ZZEF1: variants seen among roughly 807,000 people sequenced by gnomAD.
ZZEF1 encodes zinc finger ZZ-type and EF-hand domain-containing protein 1.
ZZEF1 carries 157 observed loss-of-function variants against 342.8 expected under a neutral mutation model. The observed-to-expected ratio is 0.46, with a 90% CI of 0.40 to 0.52. ZZEF1 has a LOEUF of 0.52. ZZEF1 is among the 20% of genes least tolerant of loss of function. The pLI is 0.00. For synonymous variants in ZZEF1, 1,505 were observed against 1,429.1 expected (o/e 1.05, Z -1.20); for missense variants, 3,480 against 3,725.6 (o/e 0.93, Z 1.72).
intron 1 of ZZEF1, among the ~76,000 whole-genome samples, chr17:4,134,582 C>T (rs2058719077): frequency 6.6e-6 from 1 of 151,976 alleles, no homozygotes; most frequent in South Asian, 2.1e-4. Context: ...GAGCACCAGG[C>T]AGAGTTCTAA....
chr17:4,082,401 G>C (rs2057740716), intron 17 of ZZEF1, 36 bp downstream of exon 17: 2 of 1,605,292 alleles, frequency 1.2e-6, no homozygotes, highest in South Asian at 1.1e-5. Flanking sequence ...GCAAAGATTT[G>C]AGTTATCCGA....
At chr17:4,129,395 G>A (rs1243405126) in intron 1 of ZZEF1, among the ~76,000 whole-genome samples, 1 of 152,196 alleles carries the variant, frequency 6.6e-6, no homozygotes, top group African/African-American at 2.4e-5. Context: ...CCCAGAGGAA[G>A]AAATATCATT....
At chr17:4,053,950 G>A in intron 34 of ZZEF1, 107 bp downstream of exon 34, 1 of 1,259,882 alleles carries the variant, frequency 7.9e-7, no homozygotes, top group Non-Finnish European at 1.1e-6. Flanking sequence ...AATACCACTG[G>A]GCAGTACTTT....
In ZZEF1 at chr17:4,009,251, C is replaced by A. The variant is rs1475478136; in HGVS notation, c.8734-297G>T. ...GCTAAAGAACTCTGAAAGGCCCTTT[C>A]AGCTCCCACATTCAATCAGTCTATT... is the stretch of plus-strand genomic sequence containing the variant. On this transcript the variant is annotated intron_variant, in intron 53 of 54. Coordinates refer to ENST00000381638, the MANE Select transcript of ZZEF1 (RefSeq NM_015113.4). 7.1e-6 allele frequency: 4 copies of A among 559,886 alleles called. No individual in the cohort carries two copies. In the African/African-American group the frequency reaches 7.5e-5, roughly 11 times the overall value. 34.7% of individuals were successfully genotyped at this position (559,886 alleles called of 1,614,324 possible).
chr17:4,123,573 A>G (rs910302410), intron 2 of ZZEF1, among the ~76,000 whole-genome samples: 7 of 152,184 alleles, frequency 4.6e-5, no homozygotes, highest in Non-Finnish European at 1.0e-4. Context: ...TAATGAATTG[A>G]TCAATTACAA....
Position 4,051,955 on chromosome 17 carries a change from G to A in ZZEF1, c.5600+16C>T. 5 of 1,601,932 alleles carry A rather than the reference G, an allele frequency of 3.1e-6. No individual in the cohort carries two copies. The highest frequency in any genetic ancestry group is 4.3e-6 in the Non-Finnish European group (5 of 1,171,504). On this transcript the variant is annotated intron_variant, in intron 35 of 54. Transcript: ENST00000381638. ...GTAAATAAAAGGCTTGGTGGCGACG[G>A]TCACTTGAGACATACCCGTAGGAGT... is the stretch of plus-strand genomic sequence containing the variant.
Position 4,017,548 on chromosome 17 carries a change from G to C in ZZEF1, c.7824C>G (p.Phe2608Leu). The C allele has an allele frequency of 6.2e-7, 1 of 1,614,274 alleles. No homozygotes were observed. The highest frequency in any genetic ancestry group is 8.5e-7 in the Non-Finnish European group (1 of 1,180,046). Reference sequence around the variant, plus strand: ...GGACAGCTGTGGCCTCGTTCACTCGGAAGAGGTAGTCCCGGACAGCCCTCT... The same window carrying C: ...GGACAGCTGTGGCCTCGTTCACTCGCAAGAGGTAGTCCCGGACAGCCCTCT... ...KSKRAVRDYL[F>L]RVNEATAVLY... The change falls in exon 48 of 55, where the codon TTC (phenylalanine) becomes TTG (leucine). Residue 2608 changes from phenylalanine (F) to leucine (L), a missense_variant. By Grantham distance (22) the Phe-to-Leu change is conservative. Around this residue, in one of 5 missense-constraint regions of ZZEF1, gnomAD observed 1,269 missense variants for 1,342.4 expected, o/e 0.95. Coordinates refer to ENST00000381638, the MANE Select transcript of ZZEF1 (RefSeq NM_015113.4). This position sits in a 1 kb window ranked among gnomAD's most constrained non-coding sequence, Gnocchi z 5.1.
intron 27 of ZZEF1, 53 bp from the exon 28 acceptor site, chr17:4,066,593 A>T: frequency 6.5e-7 from 1 of 1,540,484 alleles, no homozygotes; most frequent in Non-Finnish European, 9.0e-7. Context: ...GGAAGCAAGG[A>T]CAGCCATGGC....
Position 4,022,724 on chromosome 17 carries a change from G to A in ZZEF1, c.7197C>T (p.Leu2399=). The change falls in exon 44 of 55, where the codon CTC becomes CTT. Residue 2399 remains leucine, a synonymous_variant. Transcript: ENST00000381638. ...SKGTGFSKTW[L]LRDLEILSIM... ...CGTCTCTTACTTCCAGGTCCCGGAGGAGCCACGTTTTACTAAAGCCAGTCC... is the reference window on the plus strand; with the variant it reads ...CGTCTCTTACTTCCAGGTCCCGGAGAAGCCACGTTTTACTAAAGCCAGTCC... 1.2e-6 allele frequency: 2 copies of A among 1,613,830 alleles called. No individual in the cohort carries two copies. The highest frequency in any genetic ancestry group is 1.1e-5 in the South Asian group (1 of 91,050).
intron 43 of ZZEF1, among the ~76,000 whole-genome samples, chr17:4,023,054 C>T (rs1217795922): frequency 1.3e-5 from 2 of 152,208 alleles, no homozygotes; most frequent in African/African-American, 4.8e-5. Flanking sequence ...CAAAGACCTA[C>T]AAGGTCCCTG....
intron 52 of ZZEF1, among the ~76,000 whole-genome samples, chr17:4,010,031 T>C (rs929277215): frequency 6.6e-6 from 1 of 151,810 alleles, no homozygotes; most frequent in Non-Finnish European, 1.5e-5. Flanking sequence ...TCTTGAAAAA[T>C]GGATGTTACG....
intron 38 of ZZEF1, 129 bp from the exon 39 acceptor site, chr17:4,042,697 T>C (rs2056827955): frequency 1.9e-6 from 2 of 1,054,060 alleles, no homozygotes; most frequent in African/African-American, 1.6e-5. Flanking sequence ...ATTTTTTAAA[T>C]TTGAGAGGGA....
intron 7 of ZZEF1, among the ~76,000 whole-genome samples, chr17:4,105,087 G>A (rs2058189204): frequency 6.6e-6 from 1 of 152,222 alleles, no homozygotes. Context: ...CTATTAAGAA[G>A]CCTTGGGTAA....
At chr17:4,100,607 C>T (rs573733982) in intron 9 of ZZEF1, among the ~76,000 whole-genome samples, 39 of 152,030 alleles carry the variant, frequency 2.6e-4, no homozygotes, top group Non-Finnish European at 4.6e-4. Context: ...CAGCCGGGCA[C>T]GGTGGCTCAC....
chr17:4,070,778 T>C lies in ZZEF1; in HGVS notation c.3981A>G (p.Ile1327Met), dbSNP rs1299659143. Residue 1327 changes from isoleucine to methionine, a missense_variant, in exon 26 of 55, where the codon ATA (isoleucine) becomes ATG (methionine). Physicochemically the swap from Ile to Met is conservative, Grantham distance 10. This residue lies in a region of ZZEF1 where 1,528 missense variants were observed against 1,624.1 expected (regional missense o/e 0.94). Coordinates refer to ENST00000381638, the MANE Select transcript of ZZEF1 (RefSeq NM_015113.4). ...CTTGATCAATAGTGGAACCAGCAAC[T>C]ATATCTGTCTTTGGGGCCTGTTTTC... Reference protein sequence around the residue: ...ACRKQAPKTDIVAGSTIDQAV... With the variant: ...ACRKQAPKTDMVAGSTIDQAV... The C allele has an allele frequency of 1.2e-6, 2 of 1,614,182 alleles. No individual in the cohort carries two copies. Among genetic ancestry groups the C allele is most frequent in the Non-Finnish European group, 1.7e-6 (2 of 1,180,038 alleles).
rs1411466165 is a variant in ZZEF1, at chr17:4,017,199, T to C, written c.8001+172A>G. The C allele has an allele frequency of 2.2e-4, 201 of 930,358 alleles. No individual in the cohort carries two copies. The highest frequency in any genetic ancestry group is 1.1e-4 in the South Asian group (6 of 52,618). The allele number at this position is 930,358 out of a possible 1,614,324, so 57.6% of individuals were successfully genotyped here. ...CGCTCAGGGCCCCTGAGTTCCTCAC[T>C]AGCCCAATCCTTGGGAGAGGATACA... is the stretch of plus-strand genomic sequence containing the variant. On this transcript the variant is annotated intron_variant, in intron 48 of 54. Transcript: ENST00000381638. This position sits in a 1 kb window ranked among gnomAD's most constrained non-coding sequence, Gnocchi z 5.1.
chr17:4,093,065 A>G (rs567067038), intron 11 of ZZEF1, among the ~76,000 whole-genome samples: 1 of 152,278 alleles, frequency 6.6e-6, no homozygotes, highest in African/African-American at 2.4e-5. Context: ...ACGATTTAAG[A>G]GTCATTCAGG....
intron 43 of ZZEF1, among the ~76,000 whole-genome samples, chr17:4,024,194 T>TTTG (rs1555578416): frequency 7.6e-6 from 1 of 131,206 alleles, no homozygotes; most frequent in African/African-American, 3.3e-5. Flanking sequence ...AGGTTTTTTT[T>TTTG]TTTTTTTTTT....
chr17:4,026,772 A>C (rs1319559693), intron 42 of ZZEF1, among the ~76,000 whole-genome samples: 1 of 152,066 alleles, frequency 6.6e-6, no homozygotes, highest in Non-Finnish European at 1.5e-5. Context: ...GGCCTGCCTC[A>C]GCCTCCCAAA....
Sources: allele counts gnomAD v4.1 joint callset (sites outside exome capture counted in the v4.1 genomes callset), GRCh38; gene constraint gnomAD v4.1.1; regional missense constraint gnomAD v4.1.1; non-coding constraint Gnocchi (gnomAD v3.1); transcripts MANE v1.5; gene names NCBI Gene and HGNC (gene_info 2026-07-23, HGNC 2026-07-21).